The following CTNNA2 variants were observed in gnomAD, a reference collection of about 807,000 sequenced individuals.
CTNNA2 encodes the protein catenin alpha 2.
Under a neutral mutation model 101.0 loss-of-function variants are expected in CTNNA2, and 42 were observed. The ratio of observed to expected loss-of-function variants is 0.42; its 90% CI spans 0.32 to 0.54. The LOEUF is 0.54. Ranked by LOEUF, CTNNA2 falls within the 20% of genes least tolerant of loss-of-function variation. CTNNA2 has a pLI of 0.14. For missense variants in CTNNA2, 871 were observed against 1,223.1 expected (o/e 0.71, Z 4.29); for synonymous variants, 450 against 456.4 (o/e 0.99, Z 0.18).
chr2:80,216,534 T>C (rs1421706937), intron 7 of CTNNA2, among the ~76,000 whole-genome samples: 1 of 152,198 alleles, frequency 6.6e-6, no homozygotes, highest in African/African-American at 2.4e-5. Context: ...TGATCCCTCA[T>C]GAATGAGATC....
At chr2:79,360,019 A>G (rs1412740038) in intron 3 of CTNNA2, among the ~76,000 whole-genome samples, 1 of 152,174 alleles carries the variant, frequency 6.6e-6, no homozygotes, top group East Asian at 1.9e-4. Flanking sequence ...TAATATGGCC[A>G]ATGTCAACAC....
chr2:80,107,400 T>A (rs1004777360), intron 7 of CTNNA2, among the ~76,000 whole-genome samples: 3 of 152,096 alleles, frequency 2.0e-5, no homozygotes, highest in African/African-American at 7.2e-5. Flanking sequence ...TGGCTCTTGA[T>A]TTCAGGGGGA....
chr2:80,024,586 A>C (rs1694815928), intron 7 of CTNNA2, among the ~76,000 whole-genome samples: 1 of 152,204 alleles, frequency 6.6e-6, no homozygotes, highest in African/African-American at 2.4e-5. Context: ...GAGCGGGTGC[A>C]GGTGCCGGGG....
At chr2:79,415,574 A>G (rs184401350) in intron 4 of CTNNA2, among the ~76,000 whole-genome samples, 94 of 152,258 alleles carry the variant, frequency 6.2e-4, no homozygotes, top group Admixed American at 2.6e-4. Context: ...TATGTCACAT[A>G]AACTTATTTA....
At chr2:80,559,719 T>C (rs1693376092) in intron 12 of CTNNA2, among the ~76,000 whole-genome samples, 1 of 152,096 alleles carries the variant, frequency 6.6e-6, no homozygotes, top group East Asian at 1.9e-4. Flanking sequence ...CATGGCATAT[T>C]TGATGGGCTC....
At chr2:79,472,287 T>C (rs1489786976) in intron 4 of CTNNA2, among the ~76,000 whole-genome samples, 1 of 152,218 alleles carries the variant, frequency 6.6e-6, no homozygotes, top group Non-Finnish European at 1.5e-5. Flanking sequence ...ATGCCCTGCC[T>C]TCAGGTGGTG....
intron 18 of CTNNA2, among the ~76,000 whole-genome samples, chr2:80,645,360 G>C (rs1341459725): frequency 6.7e-6 from 1 of 149,184 alleles, no homozygotes; most frequent in African/African-American, 2.6e-5. Context: ...CTTCTACCTG[G>C]GGGTAAGATG....
At chr2:79,201,127 G>A (rs1364914800) in intron 2 of CTNNA2, among the ~76,000 whole-genome samples, 1 of 152,006 alleles carries the variant, frequency 6.6e-6, no homozygotes, top group Non-Finnish European at 1.5e-5. Flanking sequence ...CACATCAGAG[G>A]CTTTGTTCCC....
intron 9 of CTNNA2, among the ~76,000 whole-genome samples, chr2:80,530,946 A>G (rs1239597835): frequency 1.3e-5 from 2 of 152,178 alleles, no homozygotes; most frequent in Non-Finnish European, 2.9e-5. Context: ...TGCAATAAAG[A>G]TCTGAAAGAA....
At chr2:80,623,498 G>T (rs192094810) in intron 18 of CTNNA2, among the ~76,000 whole-genome samples, 153 of 152,000 alleles carry the variant, frequency 1.0e-3, no homozygotes, top group Non-Finnish European at 1.7e-3. Flanking sequence ...AGCTGAAAAT[G>T]TCAGAGAGGG....
At chr2:80,548,703 G>T (rs1421707250) in intron 11 of CTNNA2, among the ~76,000 whole-genome samples, 3 of 152,140 alleles carry the variant, frequency 2.0e-5, no homozygotes, top group Admixed American at 2.0e-4. Flanking sequence ...GAGGCAGCAG[G>T]CACCTTTCCG....
At chr2:80,407,406 G>C (rs900950400) in intron 8 of CTNNA2, among the ~76,000 whole-genome samples, 6 of 152,322 alleles carry the variant, frequency 3.9e-5, no homozygotes, top group South Asian at 2.1e-4. Flanking sequence ...AAAATCCACT[G>C]ATGAAACCAT....
rs1161421508 is a variant in CTNNA2 at position 79,982,507 on chromosome 2, G to GCACA, written c.1056+72719_1056+72722dup. Among the ~76,000 whole-genome samples the GCACA allele has an allele frequency of 1.0e-3, 141 of 135,746 alleles. 1 individual carries two copies. In the Middle Eastern group the frequency reaches 0.02, roughly 20 times the overall value. 89.1% of individuals were successfully genotyped at this position (135,746 alleles called of 152,430 possible). A position where few individuals can be genotyped will look rare whatever the true frequency, so the allele number is the denominator to read the frequency against. On this transcript the variant is annotated intron_variant, in intron 7 of 18. Transcript: ENST00000402739. ...CACACACACACACACACACATGCAC[G>GCACA]CACACACACACATATATATATTTTG...
chr2:79,374,982 A>G (rs1335035087), intron 4 of CTNNA2, among the ~76,000 whole-genome samples: 2 of 152,188 alleles, frequency 1.3e-5, no homozygotes, highest in Non-Finnish European at 1.5e-5. Context: ...TGGAGCTTAG[A>G]ATGGAAACAT....
chr2:80,200,597 G>A (rs538636626), intron 7 of CTNNA2, among the ~76,000 whole-genome samples: 17 of 152,178 alleles, frequency 1.1e-4, no homozygotes, highest in South Asian at 4.1e-4. Context: ...GTGCAATGGC[G>A]TGATCCCGGC....
intron 7 of CTNNA2, among the ~76,000 whole-genome samples, chr2:79,950,301 G>C (rs1688793369): frequency 6.6e-6 from 1 of 152,158 alleles, no homozygotes; most frequent in African/African-American, 2.4e-5. Context: ...AATCTCAGGA[G>C]AATTCAATAG....
chr2:79,824,687 A>G (rs1678277767), intron 3 of CTNNA2, among the ~76,000 whole-genome samples: 4 of 152,186 alleles, frequency 2.6e-5, no homozygotes, highest in Admixed American at 2.6e-4. Context: ...GGGGCAAGTG[A>G]GATCGAACCC....
chr2:80,578,336 A>G (rs1024960807), intron 13 of CTNNA2, among the ~76,000 whole-genome samples: 1 of 152,306 alleles, frequency 6.6e-6, no homozygotes, highest in East Asian at 1.9e-4. Context: ...CTCAGTCTCT[A>G]TCCTCCAGTA....
intron 7 of CTNNA2, among the ~76,000 whole-genome samples, chr2:80,265,926 G>A (rs1011787290): frequency 1.3e-5 from 2 of 152,160 alleles, no homozygotes; most frequent in Admixed American, 6.5e-5. Context: ...AGGAATGTAC[G>A]TTCTTTAACT....
Sources: allele counts gnomAD v4.1 joint callset (sites outside exome capture counted in the v4.1 genomes callset), GRCh38; gene constraint gnomAD v4.1.1; transcripts MANE v1.5; gene names NCBI Gene and HGNC (gene_info 2026-07-23, HGNC 2026-07-21).